SPAG16: variants seen among roughly 807,000 people sequenced by gnomAD.
SPAG16 encodes sperm-associated antigen 16 protein.
Under a neutral mutation model 80.4 loss-of-function variants are expected in SPAG16, and 86 were observed. The ratio of observed to expected loss-of-function variants is 1.07; its 90% CI spans 0.90 to 1.28. The LOEUF is 1.28. Among genes scored for constraint, SPAG16 ranks in the 50% most tolerant of loss-of-function variants. SPAG16 has a pLI of 0.00. For missense variants in SPAG16, 870 were observed against 765.3 expected (o/e 1.14, Z -1.61); for synonymous variants, 294 against 265.9 (o/e 1.11, Z -1.03).
chr2:213,974,548 CT>C lies in SPAG16; in HGVS notation c.1401-39401del, dbSNP rs140277686. ...TATGATAAATACTACCAGAAAGTTA[CT>C]TATTAAAATACCATTTAGAATCCGC... On this transcript the variant is annotated intron_variant, in intron 12 of 15. Coordinates refer to ENST00000331683, the MANE Select transcript of SPAG16 (RefSeq NM_024532.5). Among the ~76,000 whole-genome samples the C allele has an allele frequency of 4.7e-3, 722 of 152,044 alleles. 6 individuals are homozygous for C. The highest frequency in any genetic ancestry group is 0.016 in the African/African-American group (662 of 41,514).
At chr2:213,314,786 A>G (rs1290646425) in intron 4 of SPAG16, among the ~76,000 whole-genome samples, 2 of 151,894 alleles carry the variant, frequency 1.3e-5, no homozygotes, top group East Asian at 1.9e-4. Context: ...AACCAATTTT[A>G]TGGTCAGAAA....
intron 15 of SPAG16, among the ~76,000 whole-genome samples, chr2:214,384,055 G>T (rs539161947): frequency 6.6e-6 from 1 of 152,214 alleles, no homozygotes; most frequent in Non-Finnish European, 1.5e-5. Flanking sequence ...TTGTTATTTT[G>T]AATATGAGCT....
chr2:213,392,996 G>A (rs1337881809), intron 9 of SPAG16, among the ~76,000 whole-genome samples: 1 of 152,002 alleles, frequency 6.6e-6, no homozygotes, highest in African/African-American at 2.4e-5. Context: ...ATAATTCTGT[G>A]CTAAGTAGAA....
At chr2:213,358,839 C>G (rs1050073716) in intron 7 of SPAG16, among the ~76,000 whole-genome samples, 1 of 152,116 alleles carries the variant, frequency 6.6e-6, no homozygotes, top group African/African-American at 2.4e-5. Context: ...AGAAGAGGCA[C>G]TCTGGTTTTT....
At chr2:214,236,829 G>A (rs1689114630) in intron 15 of SPAG16, among the ~76,000 whole-genome samples, 2 of 152,090 alleles carry the variant, frequency 1.3e-5, no homozygotes, top group Admixed American at 6.6e-5. Flanking sequence ...GAAAGTGACT[G>A]TGATATAAGA....
intron 10 of SPAG16, among the ~76,000 whole-genome samples, chr2:213,825,701 CTTT>C (rs55777958): frequency 4.6e-4 from 50 of 109,796 alleles, no homozygotes; most frequent in African/African-American, 1.7e-3. Flanking sequence ...TTCTTTCTTT[CTTT>C]TTTTTTTTTT....
chr2:214,234,817 AT>A (rs879739337), intron 15 of SPAG16, among the ~76,000 whole-genome samples: 4 of 152,010 alleles, frequency 2.6e-5, no homozygotes, highest in Non-Finnish European at 5.9e-5. Context: ...TATTATTTTT[AT>A]GTTGCATACA....
intron 10 of SPAG16, among the ~76,000 whole-genome samples, chr2:213,592,195 G>A (rs1360268373): frequency 6.6e-6 from 1 of 152,106 alleles, no homozygotes; most frequent in African/African-American, 2.4e-5. Flanking sequence ...CAGAAAAACA[G>A]CTTTACTCTG....
intron 15 of SPAG16, among the ~76,000 whole-genome samples, chr2:214,291,296 GTTTCTTTTTTTTT>G (rs1693772853): frequency 3.9e-5 from 2 of 50,992 alleles, no homozygotes; most frequent in African/African-American, 1.5e-4. Flanking sequence ...TTTAGATCAT[GTTTCTTTTTTTTT>G]TTTTTTTTTT....
At chr2:214,259,813 T>C (rs1305120942) in intron 15 of SPAG16, among the ~76,000 whole-genome samples, 1 of 152,168 alleles carries the variant, frequency 6.6e-6, no homozygotes. Context: ...ATTTGTCTTC[T>C]AAGTGAACTC....
In SPAG16 at chr2:213,930,036, A is replaced by G; in HGVS notation, c.1291A>G (p.Thr431Ala). Reference sequence around the variant, plus strand: ...TCTATGTAAAGGCGATTGCATTTTGACCTTTGAAGGACACAGCCGCGCAGT... The same window carrying G: ...TCTATGTAAAGGCGATTGCATTTTGGCCTTTGAAGGACACAGCCGCGCAGT... ...WDLCKGDCIL[T>A]FEGHSRAVWS... is the part of the protein sequence containing the mutation. Residue 431 changes from threonine to alanine, a missense_variant, in exon 12 of 16, where the codon ACC (threonine) becomes GCC (alanine). Coordinates refer to ENST00000331683, the MANE Select transcript of SPAG16 (RefSeq NM_024532.5). 1 of 1,614,128 alleles carries G rather than the reference A, an allele frequency of 6.2e-7. No individual in the cohort carries two copies. Among genetic ancestry groups the G allele is most frequent in the Non-Finnish European group, 8.5e-7 (1 of 1,179,992 alleles).
chr2:213,330,751 GGCC>G (rs1176446109), intron 5 of SPAG16, among the ~76,000 whole-genome samples: 1 of 152,052 alleles, frequency 6.6e-6, no homozygotes, highest in Non-Finnish European at 1.5e-5. Context: ...CAATATGGTT[GGCC>G]CACCCAAATC....
At chr2:213,801,239 G>A (rs141663029) in intron 10 of SPAG16, among the ~76,000 whole-genome samples, 12 of 152,296 alleles carry the variant, frequency 7.9e-5, no homozygotes, top group South Asian at 4.1e-4. Context: ...GCGTGCGCGC[G>A]TGCCCACATG....
intron 12 of SPAG16, among the ~76,000 whole-genome samples, chr2:214,005,308 A>G (rs999037162): frequency 3.9e-5 from 6 of 152,172 alleles, no homozygotes; most frequent in Admixed American, 3.3e-4. Context: ...TAGCTCTACT[A>G]TGATCATTTT....
At chr2:214,086,219 C>T (rs192139525) in intron 13 of SPAG16, among the ~76,000 whole-genome samples, 39 of 152,262 alleles carry the variant, frequency 2.6e-4, no homozygotes, top group Admixed American at 2.0e-3. Flanking sequence ...TTGCCTTGCA[C>T]AAAACTGTAT....
At chr2:213,675,511 G>A (rs990774173) in intron 10 of SPAG16, among the ~76,000 whole-genome samples, 4 of 152,088 alleles carry the variant, frequency 2.6e-5, no homozygotes, top group African/African-American at 9.7e-5. Flanking sequence ...GGGATTTTAT[G>A]GTTTTAGGGC....
chr2:213,800,149 C>G (rs2071292939), intron 10 of SPAG16, among the ~76,000 whole-genome samples: 1 of 152,084 alleles, frequency 6.6e-6, no homozygotes, highest in African/African-American at 2.4e-5. Flanking sequence ...TTGCTGCAAT[C>G]TTAGCTTCTA....
At chr2:213,737,266 C>A (rs1226888774) in intron 10 of SPAG16, among the ~76,000 whole-genome samples, 2 of 152,290 alleles carry the variant, frequency 1.3e-5, no homozygotes, top group African/African-American at 4.8e-5. Flanking sequence ...CTATTCTATT[C>A]ACGTTTGCAC....
intron 10 of SPAG16, among the ~76,000 whole-genome samples, chr2:213,828,252 C>T (rs2073418751): frequency 6.6e-6 from 1 of 151,942 alleles, no homozygotes; most frequent in Non-Finnish European, 1.5e-5. Flanking sequence ...TTTCAAATAG[C>T]CTGTCTTTAG....
Sources: allele counts gnomAD v4.1 joint callset (sites outside exome capture counted in the v4.1 genomes callset), GRCh38; gene constraint gnomAD v4.1.1; transcripts MANE v1.5; gene names NCBI Gene and HGNC (gene_info 2026-07-23, HGNC 2026-07-21).